Variants in GSE1 observed in about 807,000 individuals in gnomAD.
The protein encoded by GSE1 is genetic suppressor element 1.
In GSE1, 32 loss-of-function variants were observed where a neutral mutation model predicts 112.6. That is an observed-to-expected ratio of 0.28 (90% CI 0.21 to 0.38). GSE1 has a LOEUF of 0.38. Among genes scored for constraint, GSE1 ranks in the 10% least tolerant of loss-of-function variants. The probability of loss-of-function intolerance (pLI) is 1.00; values close to 1 mark genes in which losing one functional copy is unlikely to be tolerated. For synonymous variants in GSE1, 1,115 were observed against 735.6 expected (o/e 1.52, Z -8.35); for missense variants, 2,348 against 1,699.2 (o/e 1.38, Z -6.71).
intron 2 of GSE1, among the ~76,000 whole-genome samples, chr16:85,467,809 G>T (rs1362157362): frequency 6.6e-6 from 1 of 152,218 alleles, no homozygotes; most frequent in Non-Finnish European, 1.5e-5. Flanking sequence ...TGTTTTTCAG[G>T]ACTGCCACAT....
intron 2 of GSE1, among the ~76,000 whole-genome samples, chr16:85,503,997 C>T (rs962693450): frequency 2.6e-5 from 4 of 152,210 alleles, no homozygotes; most frequent in Non-Finnish European, 4.4e-5. Flanking sequence ...CGGTGGTCAC[C>T]GGAGCCCGGG....
At chr16:85,420,490 C>T (rs767599407) in intron 2 of GSE1, among the ~76,000 whole-genome samples, 4 of 151,872 alleles carry the variant, frequency 2.6e-5, no homozygotes, top group Admixed American at 6.5e-5. Context: ...GTCCCCGCTG[C>T]GGAGGACCCT....
chr16:85,495,429 TTTTATTTATTTATTTATTTA>T (rs67017375), intron 2 of GSE1, among the ~76,000 whole-genome samples: 47 of 145,272 alleles, frequency 3.2e-4, no homozygotes, highest in South Asian at 6.9e-4. Flanking sequence ...GCTGGGAACA[TTTTATTTATTTATTTATTTA>T]TTTATTTATT....
At chr16:85,363,960 G>A (rs777369174) in intron 2 of GSE1, among the ~76,000 whole-genome samples, 2 of 152,232 alleles carry the variant, frequency 1.3e-5, no homozygotes, top group Non-Finnish European at 2.9e-5. Flanking sequence ...AGAGGTCTGT[G>A]TTTGTTTCCC....
Position 85,170,087 on chromosome 16 carries a change from C to T in GSE1, c.563C>T (p.Pro188Leu), listed in dbSNP as rs1412612436. Residue 188 changes from proline to leucine, a missense_variant, in exon 1 of 3, where the codon CCC (proline) becomes CTC (leucine). Pro to Leu is a moderately conservative substitution (Grantham distance 98, BLOSUM62 -3). Transcript: ENST00000637419. ...GACCCCCTTTCCGAGCCCGACCCGCCCGCGCGGGACGCCGCCAGCCCCCAC... is the reference window on the plus strand; with the variant it reads ...GACCCCCTTTCCGAGCCCGACCCGCTCGCGCGGGACGCCGCCAGCCCCCAC... 40 of 985,024 alleles carry T rather than the reference C, an allele frequency of 4.1e-5. 1 individual carries two copies. The South Asian group carries it at 1.1e-3, about 28-fold the overall frequency. The allele number at this position is 985,024 out of a possible 1,614,324, so 61.0% of individuals were successfully genotyped here.
chr16:85,555,505 A>C (rs2045158467), upstream of GSE1: 16 of 984,658 alleles, frequency 1.6e-5, no homozygotes, highest in Non-Finnish European at 1.9e-5. Flanking sequence ...TACGAGAAGA[A>C]ATCTCCCCCT....
At chr16:85,538,147 C>A (rs140947198) in intron 2 of GSE1, among the ~76,000 whole-genome samples, 1 of 152,342 alleles carries the variant, frequency 6.6e-6, no homozygotes, top group Non-Finnish European at 1.5e-5. Flanking sequence ...AAGAGAGGCA[C>A]GCTGGCCGTT....
chr16:85,291,526 T>C (rs2045211338), intron 1 of GSE1, among the ~76,000 whole-genome samples: 1 of 152,202 alleles, frequency 6.6e-6, no homozygotes, highest in Non-Finnish European at 1.5e-5. Context: ...AATAAAGGGC[T>C]GTCGGCCCTG....
intron 1 of GSE1, among the ~76,000 whole-genome samples, chr16:85,333,652 T>G (rs900404923): frequency 1.2e-4 from 18 of 152,186 alleles, no homozygotes; most frequent in Non-Finnish European, 2.4e-4. Flanking sequence ...GGGAACTGGC[T>G]GGGTTACAGG....
intron 1 of GSE1, among the ~76,000 whole-genome samples, chr16:85,178,558 C>T (rs2074515691): frequency 6.6e-6 from 1 of 152,062 alleles, no homozygotes; most frequent in African/African-American, 2.4e-5. Context: ...CTAGCAGATT[C>T]AAGTGCAAGG....
At chr16:85,411,010 A>C (rs1233477930) in intron 2 of GSE1, among the ~76,000 whole-genome samples, 2 of 42,892 alleles carry the variant, frequency 4.7e-5, no homozygotes, top group Non-Finnish European at 8.0e-5. Flanking sequence ...TGTTACACTC[A>C]GAGCCCCCCT....
intron 1 of GSE1, among the ~76,000 whole-genome samples, chr16:85,309,244 A>G (rs1174898140): frequency 6.6e-6 from 1 of 152,152 alleles, no homozygotes; most frequent in African/African-American, 2.4e-5. Flanking sequence ...TCACACCTGT[A>G]ATCCAGCACT....
intron 1 of GSE1, among the ~76,000 whole-genome samples, chr16:85,320,874 G>T (rs2046092799): frequency 6.6e-6 from 1 of 152,094 alleles, no homozygotes; most frequent in Admixed American, 6.5e-5. Flanking sequence ...GTGCCCCAGG[G>T]CCTTGGTACC....
chr16:85,192,698 C>T (rs570626977), intron 1 of GSE1, among the ~76,000 whole-genome samples: 2 of 152,182 alleles, frequency 1.3e-5, no homozygotes, highest in South Asian at 2.1e-4. Context: ...GGCCTCCTCG[C>T]CAGCTTCAGC....
chr16:85,223,850 C>A (rs1376997750), intron 1 of GSE1, among the ~76,000 whole-genome samples: 1 of 152,192 alleles, frequency 6.6e-6, no homozygotes, highest in Middle Eastern at 3.4e-3. Flanking sequence ...AGCGATCCAC[C>A]CATCTTGGCC....
intron 1 of GSE1, among the ~76,000 whole-genome samples, chr16:85,572,289 CACACACA>C (rs2046026302): frequency 6.9e-6 from 1 of 145,310 alleles, no homozygotes; most frequent in Non-Finnish European, 1.5e-5. Context: ...CACATACCCC[CACACACA>C]ACACACACCA....
Position 85,257,169 on chromosome 16 carries a change from C to G in GSE1, c.2283+85362C>G, listed in dbSNP as rs752052859. 4.7e-4 allele frequency among the ~76,000 whole-genome samples: 71 copies of G among 152,222 alleles called. 1 individual carries two copies. Among genetic ancestry groups the G allele is most frequent in the Admixed American group, 2.2e-3 (34 of 15,288 alleles). ...GGTCACCCAGGCTGGAGTGCAGTGG[C>G]GCGATCTCGGCCCACTGCAACCTCC... On this transcript the variant is annotated intron_variant, in intron 1 of 2. Coordinates refer to the GSE1 transcript ENST00000637419.
intron 1 of GSE1, among the ~76,000 whole-genome samples, chr16:85,619,043 T>C (rs1221255463): frequency 1.3e-5 from 2 of 152,202 alleles, no homozygotes; most frequent in Non-Finnish European, 2.9e-5. Context: ...GTGGCCCCTT[T>C]TCCCAAAAAG....
At chr16:85,173,107 A>T (rs1018185343) in intron 1 of GSE1, among the ~76,000 whole-genome samples, 1 of 152,210 alleles carries the variant, frequency 6.6e-6, no homozygotes, top group African/African-American at 2.4e-5. Context: ...AGCCCCTGGG[A>T]GTCAGAAGAG....
Sources: allele counts gnomAD v4.1 joint callset (sites outside exome capture counted in the v4.1 genomes callset), GRCh38; gene constraint gnomAD v4.1.1; transcripts MANE v1.5; gene names NCBI Gene and HGNC (gene_info 2026-07-23, HGNC 2026-07-21).